UBA6: variants seen among roughly 807,000 people sequenced by gnomAD.
UBA6 encodes ubiquitin-like modifier-activating enzyme 6.
Under a neutral mutation model 148.3 loss-of-function variants are expected in UBA6, and 87 were observed. The observed-to-expected ratio is 0.59, with a 90% CI of 0.49 to 0.70. The LOEUF (loss-of-function observed/expected upper bound fraction) is 0.70, where lower values mean the gene tolerates loss of function less well. Ranked by LOEUF, UBA6 falls within the 30% of genes least tolerant of loss-of-function variation. UBA6 has a pLI of 0.00. For missense variants in UBA6, 1,186 were observed against 1,241.2 expected (o/e 0.96, Z 0.67); for synonymous variants, 376 against 401.0 (o/e 0.94, Z 0.75).
rs756709655 is a variant in UBA6, at chr4:67,623,121, CA to C, written c.2928+13del. 1 of 1,594,692 alleles carries C rather than the reference CA, an allele frequency of 6.3e-7. No individual in the cohort carries two copies. On this transcript the variant is annotated intron_variant, in intron 31 of 32. Coordinates refer to ENST00000322244, the MANE Select transcript of UBA6 (RefSeq NM_018227.6). ...TAAAGCTACTAATGAACTAAATGAACAAAAGTATCTCACTTTGACTGCATTT... is the reference window on the plus strand; with the variant it reads ...TAAAGCTACTAATGAACTAAATGAACAAAGTATCTCACTTTGACTGCATTT...
intron 32 of UBA6, among the ~76,000 whole-genome samples, chr4:67,619,875 T>C (rs552084450): frequency 6.6e-6 from 1 of 152,282 alleles, no homozygotes; most frequent in Admixed American, 6.5e-5. Flanking sequence ...CTTACATCAT[T>C]GTATTGGCTT....
rs113823898 is a variant in UBA6, at chr4:67,617,568, G to A, written c.*1429C>T. The stretch of plus-strand genomic sequence containing the variant: ...CCACATACATTTTCCCCACTTGATG[G>A]TACTTTTACAAGAGGGAAACAATAC... On this transcript the variant is annotated 3_prime_UTR_variant, in exon 33 of 33. Transcript: ENST00000322244. The A allele has an allele frequency of 9.4e-4, 143 of 151,862 alleles. No homozygotes were observed. Among genetic ancestry groups the A allele is most frequent in the African/African-American group, 3.4e-3 (140 of 41,422 alleles). The allele number at this position is 151,862 out of a possible 1,614,324, so 9.4% of individuals were successfully genotyped here.
chr4:67,637,531 G>C (rs963762765), intron 19 of UBA6, among the ~76,000 whole-genome samples: 1 of 152,192 alleles, frequency 6.6e-6, no homozygotes, highest in African/African-American at 2.4e-5. Context: ...AAATCAGATT[G>C]TTGCTGTGTC....
At chr4:67,623,012 A>G in intron 31 of UBA6, 87 bp from the exon 32 acceptor site, 1 of 1,362,370 alleles carries the variant, frequency 7.3e-7, no homozygotes, top group Non-Finnish European at 1.0e-6. Context: ...ACAATGTTTT[A>G]TGACCAGTAA....
intron 6 of UBA6, among the ~76,000 whole-genome samples, chr4:67,675,149 T>C (rs924529677): frequency 1.3e-5 from 2 of 152,138 alleles, no homozygotes; most frequent in African/African-American, 4.8e-5. Flanking sequence ...GATATTTTCT[T>C]TATTTCTATG....
At position 67,663,107 on chromosome 4, in the gene UBA6, G is replaced by GA; in HGVS notation, c.1037+31dup. 3.3e-6 allele frequency: 5 copies of GA among 1,525,238 alleles called. No individual in the cohort carries two copies. The South Asian group carries it at 6.0e-5, about 18-fold the overall frequency. The allele number at this position is 1,525,238 out of a possible 1,614,324, so 94.5% of individuals were successfully genotyped here. A position where few individuals can be genotyped will look rare whatever the true frequency, so the allele number is the denominator to read the frequency against. On this transcript the variant is annotated intron_variant, in intron 12 of 32. Coordinates refer to ENST00000322244, the MANE Select transcript of UBA6 (RefSeq NM_018227.6). ...TCTGAACTACTACTTTTATAAAAAG[G>GA]AAAATACTTATTTTTAAACTTAAAA...
In UBA6 at chr4:67,629,092, C is replaced by T; in HGVS notation, c.2379G>A (p.Gln793=). 1 of 1,609,808 alleles carries T rather than the reference C, an allele frequency of 6.2e-7. No homozygotes were observed. Among genetic ancestry groups the T allele is most frequent in the Non-Finnish European group, 8.5e-7 (1 of 1,176,896 alleles). ...ATACCTTATTGGAAGGCTTGAATTCCTGAATCTTTACTTCTGAAAGAATAT... is the reference window on the plus strand; with the variant it reads ...ATACCTTATTGGAAGGCTTGAATTCTTGAATCTTTACTTCTGAAAGAATAT... The part of the protein sequence containing the change: ...LLNILSEVKI[Q]EFKPSNKVVQ... Residue 793 remains glutamine, a synonymous_variant, in exon 27 of 33, where the codon CAG becomes CAA. Transcript: ENST00000322244.
intron 19 of UBA6, among the ~76,000 whole-genome samples, chr4:67,636,724 C>G (rs192172021): frequency 6.6e-6 from 1 of 152,224 alleles, no homozygotes; most frequent in Non-Finnish European, 1.5e-5. Context: ...AGTGCAGTGG[C>G]GTGATCTCGG....
At chr4:67,643,025 G>A (rs1300628936) in intron 17 of UBA6, among the ~76,000 whole-genome samples, 1 of 151,668 alleles carries the variant, frequency 6.6e-6, no homozygotes, top group Admixed American at 6.6e-5. Flanking sequence ...TTGGCTTTAT[G>A]TAAAAATTTC....
In UBA6 at chr4:67,696,720, A is replaced by C. The variant is rs770926033; in HGVS notation, c.72-13T>G. ...ATTTTTATTTGTGCTGGAAAAAAAA[A>C]CATGGTTATTAAATATTCACATTTT... On this transcript the variant is annotated splice_polypyrimidine_tract_variant and intron_variant, in intron 1 of 32. Coordinates refer to ENST00000322244, the MANE Select transcript of UBA6 (RefSeq NM_018227.6). 49 of 1,596,892 alleles carry C rather than the reference A, an allele frequency of 3.1e-5. No homozygotes were observed. The highest frequency in any genetic ancestry group is 3.6e-5 in the Non-Finnish European group (42 of 1,169,156).
intron 2 of UBA6, among the ~76,000 whole-genome samples, chr4:67,691,185 A>C (rs576891068): frequency 6.6e-6 from 1 of 152,276 alleles, no homozygotes; most frequent in East Asian, 1.9e-4. Context: ...AATACCCAAA[A>C]ATTAAGAAAA....
chr4:67,634,214 G>C, intron 22 of UBA6, 28 bp downstream of exon 22: 2 of 1,461,608 alleles, frequency 1.4e-6, no homozygotes, highest in Non-Finnish European at 1.9e-6. Context: ...AAAGTGTTAA[G>C]TTTGTATTAA....
chr4:67,682,353 A>C, intron 2 of UBA6, 140 bp from the exon 3 acceptor site: 3 of 613,364 alleles, frequency 4.9e-6, no homozygotes, highest in South Asian at 2.4e-5. Context: ...GTGTTTAAAC[A>C]TTTCTGAATT....
intron 2 of UBA6, among the ~76,000 whole-genome samples, chr4:67,693,187 A>G (rs1279788300): frequency 6.6e-6 from 1 of 152,036 alleles, no homozygotes; most frequent in Non-Finnish European, 1.5e-5. Context: ...CCTCCTCCTC[A>G]GCCTACTCAA....
intron 13 of UBA6, among the ~76,000 whole-genome samples, chr4:67,654,364 G>T (rs1257390705): frequency 6.6e-6 from 1 of 152,230 alleles, no homozygotes; most frequent in Non-Finnish European, 1.5e-5. Context: ...CATGCCAGAA[G>T]AGAGTGGGGG....
At chr4:67,680,672 T>G (rs1165279410) in intron 4 of UBA6, among the ~76,000 whole-genome samples, 1 of 152,200 alleles carries the variant, frequency 6.6e-6, no homozygotes, top group Non-Finnish European at 1.5e-5. Flanking sequence ...GTTTCCTGCT[T>G]CATAGTATTT....
chr4:67,641,252 A>C (rs1156562115), intron 17 of UBA6, 24 bp from the exon 18 acceptor site: 2 of 1,330,186 alleles, frequency 1.5e-6, no homozygotes, highest in East Asian at 2.3e-5. Flanking sequence ...AATATGGCTG[A>C]AATTACATAA....
chr4:67,661,929 C>A, intron 13 of UBA6: 1 of 423,434 alleles, frequency 2.4e-6, no homozygotes. Flanking sequence ...AAAAAAATAG[C>A]AGCAAATATT....
chr4:67,675,695 C>A (rs78626273), intron 6 of UBA6, among the ~76,000 whole-genome samples: 34,856 of 151,474 alleles, frequency 0.23, 4,166 homozygotes, highest in Middle Eastern at 0.3. Flanking sequence ...TATGCCACTG[C>A]ACTCCAGCCT....
Sources: gnomAD v4.1 joint callset for allele counts (sites outside exome capture counted in the v4.1 genomes callset) on GRCh38, gnomAD v4.1.1 for gene constraint, MANE v1.5 for transcripts, NCBI Gene and HGNC (gene_info 2026-07-23, HGNC 2026-07-21) for gene names.